PLEKHM3: variants seen among roughly 807,000 people sequenced by gnomAD.
PLEKHM3 encodes pleckstrin homology domain-containing family M member 3.
In PLEKHM3, 45 loss-of-function variants were observed where a neutral mutation model predicts 81.8. That is an observed-to-expected ratio of 0.55 (90% CI 0.43 to 0.71). The LOEUF (loss-of-function observed/expected upper bound fraction) is 0.71. PLEKHM3 is among the 30% of genes least tolerant of loss of function. PLEKHM3 has a pLI of 0.00. For synonymous variants in PLEKHM3, 352 were observed against 356.4 expected (o/e 0.99, Z 0.14); for missense variants, 788 against 924.3 (o/e 0.85, Z 1.91).
chr2:207,923,667 G>A (rs929045816), intron 5 of PLEKHM3, among the ~76,000 whole-genome samples: 5 of 151,284 alleles, frequency 3.3e-5, no homozygotes, highest in Non-Finnish European at 7.4e-5. Flanking sequence ...TGAGAGTAGA[G>A]ACAAGGGGGA....
chr2:207,908,652 C>A, intron 5 of PLEKHM3, 75 bp from the exon 6 acceptor site: 1 of 1,360,024 alleles, frequency 7.4e-7, no homozygotes, highest in South Asian at 1.2e-5. Context: ...GTTTCAGTCT[C>A]ATTCAAGAAT....
At chr2:207,944,700 T>A (rs376663586) in intron 4 of PLEKHM3, among the ~76,000 whole-genome samples, 1 of 152,190 alleles carries the variant, frequency 6.6e-6, no homozygotes, top group Non-Finnish European at 1.5e-5. Context: ...AAGTACCTAC[T>A]GGCCCCTATG....
At chr2:207,998,795 C>A (rs948524572) in intron 2 of PLEKHM3, among the ~76,000 whole-genome samples, 6 of 152,046 alleles carry the variant, frequency 3.9e-5, no homozygotes, top group Non-Finnish European at 5.9e-5. Context: ...AAATAGGACA[C>A]CCTCTTGACT....
intron 5 of PLEKHM3, among the ~76,000 whole-genome samples, chr2:207,921,023 TTCCTTCCCTCCCTCCC>T (rs1319796548): frequency 2.0e-5 from 3 of 152,084 alleles, no homozygotes; most frequent in South Asian, 2.1e-4. Flanking sequence ...CATAGTTCCA[TTCCTTCCCTCCCTCCC>T]TCCTTCCCTC....
intron 6 of PLEKHM3, chr2:207,900,950 C>G: frequency 9.2e-6 from 3 of 324,424 alleles, no homozygotes; most frequent in Non-Finnish European, 1.7e-5. Context: ...CAACAAAAAC[C>G]CAACAACAAC....
chr2:207,996,217 TG>T (rs1268372781), intron 2 of PLEKHM3, among the ~76,000 whole-genome samples: 1 of 151,852 alleles, frequency 6.6e-6, no homozygotes, highest in African/African-American at 2.4e-5. Context: ...AAATCAAAAG[TG>T]TTTGATTTTC....
intron 4 of PLEKHM3, among the ~76,000 whole-genome samples, chr2:207,942,383 G>A (rs1689970083): frequency 6.6e-6 from 1 of 152,040 alleles, no homozygotes; most frequent in Non-Finnish European, 1.5e-5. Flanking sequence ...GTAGTGATGT[G>A]CACCTATGGT....
chr2:207,891,090 A>C (rs929837255), intron 6 of PLEKHM3, among the ~76,000 whole-genome samples: 4 of 152,238 alleles, frequency 2.6e-5, no homozygotes, highest in Non-Finnish European at 5.9e-5. Flanking sequence ...GATGTGAAAT[A>C]AATGTCAAAT....
intron 1 of PLEKHM3, among the ~76,000 whole-genome samples, chr2:208,018,855 C>T (rs1272350816): frequency 1.3e-5 from 2 of 152,114 alleles, no homozygotes; most frequent in Non-Finnish European, 2.9e-5. Flanking sequence ...TACCCCTACC[C>T]TCACCCCACA....
At chr2:207,913,488 T>C (rs1405895280) in intron 5 of PLEKHM3, among the ~76,000 whole-genome samples, 3 of 152,036 alleles carry the variant, frequency 2.0e-5, no homozygotes, top group Non-Finnish European at 4.4e-5. Context: ...AGGTGGTCAA[T>C]GGCATCAAAG....
chr2:207,977,651 C>T, intron 2 of PLEKHM3, 65 bp from the exon 3 acceptor site: 1 of 1,399,634 alleles, frequency 7.1e-7, no homozygotes, highest in East Asian at 2.3e-5. Context: ...GCACAAGAAA[C>T]CACACAGATC....
intron 6 of PLEKHM3, among the ~76,000 whole-genome samples, chr2:207,864,586 G>A (rs1418715663): frequency 2.0e-5 from 3 of 152,222 alleles, no homozygotes; most frequent in South Asian, 4.1e-4. Flanking sequence ...AAACTGGGAA[G>A]AGAAGACCTT....
chr2:208,007,446 G>A (rs1391535242), intron 1 of PLEKHM3, among the ~76,000 whole-genome samples: 6 of 152,186 alleles, frequency 3.9e-5, no homozygotes, highest in Admixed American at 3.9e-4. Context: ...GTAAGGAAAT[G>A]GTGCCAGGGT....
intron 3 of PLEKHM3, among the ~76,000 whole-genome samples, chr2:207,969,280 G>A (rs998907673): frequency 1.3e-5 from 2 of 152,132 alleles, no homozygotes; most frequent in African/African-American, 2.4e-5. Flanking sequence ...TCCCAAATTC[G>A]ATTTCCCTTT....
intron 3 of PLEKHM3, among the ~76,000 whole-genome samples, chr2:207,973,822 G>A (rs888210555): frequency 6.6e-6 from 1 of 151,982 alleles, no homozygotes; most frequent in Non-Finnish European, 1.5e-5. Context: ...GTATCACAAA[G>A]CAACTGAATG....
chr2:207,991,691 A>G (rs1412484457), intron 2 of PLEKHM3, among the ~76,000 whole-genome samples: 1 of 152,046 alleles, frequency 6.6e-6, no homozygotes, highest in East Asian at 1.9e-4. Flanking sequence ...CACATTTGGG[A>G]AGTTAGGAAA....
chr2:208,016,135 A>C (rs536859132), intron 1 of PLEKHM3, among the ~76,000 whole-genome samples: 1 of 152,284 alleles, frequency 6.6e-6, no homozygotes, highest in Non-Finnish European at 1.5e-5. Flanking sequence ...CAGAGGTTGC[A>C]GTGAGCCGAG....
intron 7 of PLEKHM3, among the ~76,000 whole-genome samples, chr2:207,829,641 C>T (rs115105519): frequency 0.016 from 2,417 of 152,102 alleles, 23 homozygotes; most frequent in African/African-American, 0.028. Context: ...AGTGGTTTGC[C>T]GATATGGACT....
chr2:208,017,479 T>A (rs1692960264), intron 1 of PLEKHM3, among the ~76,000 whole-genome samples: 1 of 152,182 alleles, frequency 6.6e-6, no homozygotes, highest in South Asian at 2.1e-4. Flanking sequence ...GTGCATCAGC[T>A]TTTCTGGTGG....
Sources: allele counts gnomAD v4.1 joint callset (sites outside exome capture counted in the v4.1 genomes callset), GRCh38; gene constraint gnomAD v4.1.1; transcripts MANE v1.5; gene names NCBI Gene and HGNC (gene_info 2026-07-23, HGNC 2026-07-21).